The following ATP8B4 variants were observed in gnomAD, a reference collection of about 807,000 sequenced individuals.
ATP8B4 encodes the protein ATPase phospholipid transporting 8B4 (putative).
ATP8B4 carries 133 observed loss-of-function variants against 145.6 expected under a neutral mutation model. The observed-to-expected ratio is 0.91, with a 90% CI of 0.79 to 1.05. The LOEUF (loss-of-function observed/expected upper bound fraction) is 1.05. Among genes scored for constraint, ATP8B4 ranks in the 50% least tolerant of loss-of-function variants. ATP8B4 has a pLI of 0.00. For synonymous variants in ATP8B4, 507 were observed against 492.9 expected (o/e 1.03, Z -0.38); for missense variants, 1,458 against 1,425.2 (o/e 1.02, Z -0.37).
intron 2 of ATP8B4, among the ~76,000 whole-genome samples, chr15:50,098,422 G>A (rs924626359): frequency 6.6e-6 from 1 of 151,140 alleles, no homozygotes; most frequent in Admixed American, 6.6e-5. Context: ...CTCCTGAGTA[G>A]TACAGAACCA....
At chr15:49,939,808 C>T (rs773447018) in intron 14 of ATP8B4, among the ~76,000 whole-genome samples, 16 of 151,976 alleles carry the variant, frequency 1.1e-4, no homozygotes, top group Non-Finnish European at 5.9e-5. Context: ...TAAAAGAAAA[C>T]TACAGGCCAA....
chr15:49,980,420 T>C (rs1173130166), intron 11 of ATP8B4, among the ~76,000 whole-genome samples: 1 of 152,142 alleles, frequency 6.6e-6, no homozygotes, highest in African/African-American at 2.4e-5. Flanking sequence ...TTTACCCCTA[T>C]ATAAGCAGAC....
At chr15:49,974,074 C>T (rs1599549275) in intron 12 of ATP8B4, among the ~76,000 whole-genome samples, 1 of 143,180 alleles carries the variant, frequency 7.0e-6, no homozygotes, top group East Asian at 2.1e-4. Context: ...TCCAATTTAT[C>T]ATTTGTCTTT....
intron 23 of ATP8B4, among the ~76,000 whole-genome samples, chr15:49,893,207 C>A (rs1376418255): frequency 1.3e-5 from 2 of 152,142 alleles, no homozygotes; most frequent in Non-Finnish European, 2.9e-5. Flanking sequence ...AGTAGTGTTT[C>A]TTTACATTTG....
At chr15:50,013,945 T>C (rs549576698) in intron 6 of ATP8B4, among the ~76,000 whole-genome samples, 3 of 152,322 alleles carry the variant, frequency 2.0e-5, no homozygotes, top group Admixed American at 1.3e-4. Flanking sequence ...GCACCTATCA[T>C]GCTCCACGTC....
chr15:49,949,017 A>G (rs570276884), intron 14 of ATP8B4, among the ~76,000 whole-genome samples: 1 of 152,220 alleles, frequency 6.6e-6, no homozygotes, highest in Non-Finnish European at 1.5e-5. Context: ...GTTCTGCCCC[A>G]TTAGTCTATA....
In ATP8B4 at chr15:49,898,606, C is replaced by T. The variant is rs571580173; in HGVS notation, c.2290-355G>A. Among the ~76,000 whole-genome samples the T allele has an allele frequency of 2.6e-5, 4 of 152,320 alleles. No individual in the cohort carries two copies. In the South Asian group the frequency reaches 8.3e-4, roughly 32 times the overall value. The stretch of plus-strand genomic sequence containing the variant: ...GAAAACAAAAGACAGAACCTATCTA[C>T]CAGCTCACCAAGTTTAGAATGAACT... On this transcript the variant is annotated intron_variant, in intron 21 of 27. Transcript: ENST00000284509.
chr15:50,171,342 A>G (rs2044671884), intron 1 of ATP8B4, among the ~76,000 whole-genome samples: 1 of 152,196 alleles, frequency 6.6e-6, no homozygotes, highest in South Asian at 2.1e-4. Context: ...AAAAATTGAA[A>G]TTATATCAAG....
intron 7 of ATP8B4, among the ~76,000 whole-genome samples, chr15:50,003,072 T>C (rs1366058060): frequency 6.6e-6 from 1 of 152,176 alleles, no homozygotes; most frequent in African/African-American, 2.4e-5. Flanking sequence ...TTTTAGCAAT[T>C]TAGTTTGAGA....
chr15:50,087,371 AAT>A (rs1334982682), intron 2 of ATP8B4, among the ~76,000 whole-genome samples: 2 of 138,744 alleles, frequency 1.4e-5, no homozygotes, highest in Non-Finnish European at 3.0e-5. Context: ...ATAATAAAAT[AAT>A]ATATAGATAT....
At chr15:49,908,140 A>C (rs1327947474) in intron 20 of ATP8B4, 1 of 455,884 alleles carries the variant, frequency 2.2e-6, no homozygotes, top group Non-Finnish European at 4.4e-6. Context: ...ATACATGTGT[A>C]CTGCCTACAA....
At chr15:50,025,540 G>C (rs2049943874) in intron 6 of ATP8B4, among the ~76,000 whole-genome samples, 2 of 152,178 alleles carry the variant, frequency 1.3e-5, no homozygotes, top group South Asian at 4.2e-4. Context: ...CCTTTGCCTA[G>C]TTAACTCCTA....
At chr15:49,940,454 C>T (rs962899395) in intron 14 of ATP8B4, among the ~76,000 whole-genome samples, 3 of 152,138 alleles carry the variant, frequency 2.0e-5, no homozygotes, top group East Asian at 1.9e-4. Flanking sequence ...ACTATGTTCA[C>T]TCCCTGGGTG....
At chr15:49,938,719 G>T (rs1286274232) in intron 14 of ATP8B4, among the ~76,000 whole-genome samples, 2 of 152,040 alleles carry the variant, frequency 1.3e-5, no homozygotes, top group Non-Finnish European at 2.9e-5. Context: ...AACTAGCAAA[G>T]AAATTCTGGA....
At chr15:49,877,232 C>T (rs1415106468) in intron 24 of ATP8B4, among the ~76,000 whole-genome samples, 1 of 152,156 alleles carries the variant, frequency 6.6e-6, no homozygotes, top group Non-Finnish European at 1.5e-5. Flanking sequence ...GCACACAAAT[C>T]GCCTGGGAAA....
intron 13 of ATP8B4, among the ~76,000 whole-genome samples, chr15:49,962,248 CATTAAAACAAAAAATGAAGCA>C (rs1361086774): frequency 6.6e-6 from 1 of 152,098 alleles, no homozygotes; most frequent in Non-Finnish European, 1.5e-5. Context: ...GTGCAGTAGG[CATTAAAACAAAAAATGAAGCA>C]ATTATGTTTT....
At chr15:49,952,783 C>T (rs2043214342) in intron 14 of ATP8B4, among the ~76,000 whole-genome samples, 1 of 152,072 alleles carries the variant, frequency 6.6e-6, no homozygotes, top group Non-Finnish European at 1.5e-5. Flanking sequence ...GGTGCTCTAG[C>T]CTTTTGGGTT....
intron 26 of ATP8B4, among the ~76,000 whole-genome samples, chr15:49,864,820 TTA>T (rs1433585927): frequency 1.3e-5 from 2 of 152,162 alleles, no homozygotes; most frequent in Non-Finnish European, 2.9e-5. Flanking sequence ...GCTAAGTGCT[TTA>T]TATGTATTAT....
At chr15:50,112,361 C>T (rs2056987450) in intron 1 of ATP8B4, among the ~76,000 whole-genome samples, 1 of 152,026 alleles carries the variant, frequency 6.6e-6, no homozygotes, top group Non-Finnish European at 1.5e-5. Flanking sequence ...GTGTCCCCAC[C>T]AGGGTGGGGA....
Sources: allele counts gnomAD v4.1 joint callset (sites outside exome capture counted in the v4.1 genomes callset), GRCh38; gene constraint gnomAD v4.1.1; transcripts MANE v1.5; gene names NCBI Gene and HGNC (gene_info 2026-07-23, HGNC 2026-07-21).